The following FHOD3 variants were observed in gnomAD, a reference collection of about 807,000 sequenced individuals.
The protein encoded by FHOD3 is FH1/FH2 domain-containing protein 3.
Under a neutral mutation model 173.0 loss-of-function variants are expected in FHOD3, and 90 were observed. The ratio of observed to expected loss-of-function variants is 0.52; its 90% CI spans 0.44 to 0.62. FHOD3 has a LOEUF of 0.62. Ranked by LOEUF, FHOD3 falls within the 20% of genes least tolerant of loss-of-function variation. FHOD3 has a pLI of 0.00. For missense variants in FHOD3, 1,945 were observed against 2,034.7 expected (o/e 0.96, Z 0.85); for synonymous variants, 828 against 823.0 (o/e 1.01, Z -0.10).
chr18:36,627,213 C>T lies in FHOD3; in HGVS notation c.1196+1464C>T, dbSNP rs999778208. 4.6e-5 allele frequency among the ~76,000 whole-genome samples: 7 copies of T among 152,250 alleles called. No homozygotes were observed. The South Asian group carries it at 1.5e-3, about 32-fold the overall frequency. ...TCTTCCAGCTGGCTTGAGAAGTTAA[C>T]ATGAAGAGAATTGAGGAAATTGTAC... On this transcript the variant is annotated intron_variant, in intron 10 of 28. Transcript: ENST00000590592.
chr18:36,372,173 A>T (rs1301195788), intron 2 of FHOD3, among the ~76,000 whole-genome samples: 1 of 152,202 alleles, frequency 6.6e-6, no homozygotes. Context: ...CTTCTTTTGT[A>T]GATTCCCATT....
chr18:36,722,108 A>G (rs1281726750), intron 19 of FHOD3, among the ~76,000 whole-genome samples: 1 of 152,194 alleles, frequency 6.6e-6, no homozygotes, highest in Non-Finnish European at 1.5e-5. Flanking sequence ...CTGGAATTAT[A>G]TGGTATTTTA....
intron 6 of FHOD3, among the ~76,000 whole-genome samples, chr18:36,583,480 G>A (rs2058925667): frequency 6.6e-6 from 1 of 152,204 alleles, no homozygotes; most frequent in Admixed American, 6.5e-5. Flanking sequence ...GACCTTCCCT[G>A]TGGCTTAAGG....
chr18:36,534,472 A>C (rs1434740249), intron 5 of FHOD3, among the ~76,000 whole-genome samples: 1 of 151,444 alleles, frequency 6.6e-6, no homozygotes, highest in African/African-American at 2.4e-5. Context: ...CTTTTATTTT[A>C]TTTATTTATT....
At chr18:36,427,286 T>TCAA (rs1555700513) in intron 3 of FHOD3, among the ~76,000 whole-genome samples, 2 of 79,480 alleles carry the variant, frequency 2.5e-5, no homozygotes, top group Non-Finnish European at 4.8e-5. Flanking sequence ...CTTGCTTCTC[T>TCAA]AAAAAAAAAA....
intron 7 of FHOD3, among the ~76,000 whole-genome samples, chr18:36,595,198 T>C (rs1231100876): frequency 6.6e-6 from 1 of 152,150 alleles, no homozygotes; most frequent in Non-Finnish European, 1.5e-5. Flanking sequence ...CCTCCTGTTC[T>C]TCCTGTCTTG....
chr18:36,425,962 G>A (rs548933083), intron 3 of FHOD3, among the ~76,000 whole-genome samples: 9 of 150,740 alleles, frequency 6.0e-5, no homozygotes, highest in East Asian at 3.9e-4. Flanking sequence ...GTGCAGTGGC[G>A]CGATCTTGGC....
intron 5 of FHOD3, among the ~76,000 whole-genome samples, chr18:36,575,721 C>A (rs970546734): frequency 6.6e-6 from 1 of 152,148 alleles, no homozygotes; most frequent in African/African-American, 2.4e-5. Context: ...CATTATCTAT[C>A]AGTCAGATTA....
chr18:36,665,264 T>C (rs1368933766), intron 14 of FHOD3, among the ~76,000 whole-genome samples: 2 of 152,230 alleles, frequency 1.3e-5, no homozygotes, highest in Non-Finnish European at 2.9e-5. Context: ...ACACAAGTCT[T>C]ACATACTCAT....
At chr18:36,549,494 T>C (rs2057548321) in intron 5 of FHOD3, among the ~76,000 whole-genome samples, 1 of 151,482 alleles carries the variant, frequency 6.6e-6, no homozygotes. Context: ...ATTTTTTTTC[T>C]TTTATGGACC....
rs2034057135 is a variant in FHOD3 at position 36,625,761 on chromosome 18, C to T, written c.1196+12C>T. 6.3e-7 allele frequency: 1 copy of T among 1,590,694 alleles called. No homozygotes were observed. On this transcript the variant is annotated intron_variant, in intron 10 of 28. Transcript: ENST00000590592. ...GATCTGCGTGAAAAGTAAGCATTAACTTGGCAGTGGAGAGGGGTGCAAGGA... is the reference window on the plus strand; with the variant it reads ...GATCTGCGTGAAAAGTAAGCATTAATTTGGCAGTGGAGAGGGGTGCAAGGA...
At chr18:36,343,965 G>A (rs2045759541) in intron 1 of FHOD3, among the ~76,000 whole-genome samples, 1 of 152,114 alleles carries the variant, frequency 6.6e-6, no homozygotes, top group Non-Finnish European at 1.5e-5. Flanking sequence ...ATGGGTTTGT[G>A]GTTTATTTTG....
chr18:36,693,431 C>T lies in FHOD3; in HGVS notation c.2236+8C>T. 6.2e-7 allele frequency: 1 copy of T among 1,610,462 alleles called. No homozygotes were observed. Among genetic ancestry groups the T allele is most frequent in the Non-Finnish European group, 8.5e-7 (1 of 1,177,402 alleles). On this transcript the variant is annotated splice_region_variant and intron_variant, in intron 17 of 28. Transcript: ENST00000590592. ...CCCCTCACCATCCCCAAGGTGAGTA[C>T]AGGGAGAGTAGAGGGAAAATGAACA...
chr18:36,720,500 A>G (rs2040704034), intron 19 of FHOD3, among the ~76,000 whole-genome samples: 1 of 152,052 alleles, frequency 6.6e-6, no homozygotes, highest in African/African-American at 2.4e-5. Context: ...AGCCTCCCCA[A>G]GTGCTAGGAT....
intron 3 of FHOD3, among the ~76,000 whole-genome samples, chr18:36,469,534 T>G (rs906034245): frequency 6.6e-6 from 1 of 152,042 alleles, no homozygotes; most frequent in Non-Finnish European, 1.5e-5. Context: ...GTAGTGGGAG[T>G]TCCAAAGTGG....
At chr18:36,413,322 A>C (rs1280384723) in intron 3 of FHOD3, among the ~76,000 whole-genome samples, 3 of 152,182 alleles carry the variant, frequency 2.0e-5, no homozygotes, top group Admixed American at 6.5e-5. Flanking sequence ...CAGAACATAT[A>C]CATGGACACC....
Position 36,742,897 on chromosome 18 carries a change from C to T in FHOD3, c.3879+41C>T. The T allele has an allele frequency of 1.9e-6, 3 of 1,588,676 alleles. No individual in the cohort carries two copies. The East Asian group carries it at 6.7e-5, about 36-fold the overall frequency. On this transcript the variant is annotated intron_variant, in intron 22 of 28. Coordinates refer to ENST00000590592, the MANE Select transcript of FHOD3 (RefSeq NM_001281740.3). Reference sequence around the variant, plus strand: ...CCCTCATCCTGTAGCCCCCCCTTGTCACAAAATCCCTGCCCAGCAATTGCT... The same window carrying T: ...CCCTCATCCTGTAGCCCCCCCTTGTTACAAAATCCCTGCCCAGCAATTGCT...
intron 18 of FHOD3, chr18:36,711,498 C>T (rs1269680491): frequency 6.6e-6 from 1 of 152,118 alleles, no homozygotes; most frequent in African/African-American, 2.4e-5. Flanking sequence ...CCTTTGTCTC[C>T]ACTTGAATGT....
chr18:36,400,080 C>T (rs2048734724), intron 3 of FHOD3, among the ~76,000 whole-genome samples: 1 of 152,202 alleles, frequency 6.6e-6, no homozygotes, highest in Admixed American at 6.5e-5. Context: ...CCCCATGCAT[C>T]TTTCTGTGAA....
Sources: gnomAD v4.1 joint callset for allele counts (sites outside exome capture counted in the v4.1 genomes callset) on GRCh38, gnomAD v4.1.1 for gene constraint, MANE v1.5 for transcripts, NCBI Gene and HGNC (gene_info 2026-07-23, HGNC 2026-07-21) for gene names.